Variants in CCSER1 observed in about 807,000 individuals in gnomAD.
CCSER1 encodes coiled-coil serine rich protein 1.
A neutral mutation model predicts 82.0 loss-of-function variants in CCSER1; 41 were observed. The ratio of observed to expected loss-of-function variants is 0.50; its 90% CI spans 0.39 to 0.65. CCSER1 has a LOEUF of 0.65. Among genes scored for constraint, CCSER1 ranks in the 30% least tolerant of loss-of-function variants. CCSER1 has a pLI of 0.00. For missense variants in CCSER1, 1,119 were observed against 1,064.2 expected, an observed-to-expected ratio of 1.05 and a Z score of -0.72; for synonymous variants, 414 against 383.9, an observed-to-expected ratio of 1.08 and a Z score of -0.92.
At chr4:90,190,052 G>A (rs919876513) in intron 1 of CCSER1, among the ~76,000 whole-genome samples, 1 of 151,962 alleles carries the variant, frequency 6.6e-6, no homozygotes, top group Non-Finnish European at 1.5e-5. Context: ...TCTGATAGCG[G>A]CATGAGACTG....
At chr4:90,468,382 C>A in intron 5 of CCSER1, 28 bp downstream of exon 5, 1 of 1,581,886 alleles carries the variant, frequency 6.3e-7, no homozygotes. Context: ...TTTTTCAAGG[C>A]CTTGTAAAAT....
chr4:91,587,705 T>C (rs1764063867), intron 10 of CCSER1, among the ~76,000 whole-genome samples: 1 of 151,706 alleles, frequency 6.6e-6, no homozygotes, highest in Admixed American at 6.6e-5. Flanking sequence ...ATGTTGTTTT[T>C]CTTACATCGA....
At chr4:90,987,693 G>A (rs1052480517) in intron 9 of CCSER1, among the ~76,000 whole-genome samples, 6 of 151,396 alleles carry the variant, frequency 4.0e-5, no homozygotes, top group South Asian at 2.1e-4. Context: ...TTTATCTTTA[G>A]CATTAGACTT....
At chr4:91,037,183 T>C (rs1741504349) in intron 9 of CCSER1, among the ~76,000 whole-genome samples, 1 of 151,984 alleles carries the variant, frequency 6.6e-6, no homozygotes, top group Non-Finnish European at 1.5e-5. Flanking sequence ...TTCATACTGC[T>C]CTTCCCTTCT....
At chr4:90,842,767 G>T (rs1272659603) in intron 8 of CCSER1, among the ~76,000 whole-genome samples, 3 of 152,192 alleles carry the variant, frequency 2.0e-5, no homozygotes, top group Non-Finnish European at 4.4e-5. Context: ...TAATGCAAAG[G>T]GAGTGGGTCA....
chr4:90,724,052 A>T (rs1355304759), intron 7 of CCSER1, 61 bp downstream of exon 7: 3 of 1,024,060 alleles, frequency 2.9e-6, no homozygotes, highest in African/African-American at 3.2e-5. Flanking sequence ...TAAATAGTTT[A>T]AAATAGTTTA....
chr4:91,071,191 T>C (rs1721394506), intron 9 of CCSER1, among the ~76,000 whole-genome samples: 1 of 152,220 alleles, frequency 6.6e-6, no homozygotes, highest in Non-Finnish European at 1.5e-5. Flanking sequence ...TTTGAGCAAC[T>C]GGTATAATTT....
At chr4:90,215,586 A>T (rs952698375) in intron 1 of CCSER1, among the ~76,000 whole-genome samples, 3 of 152,212 alleles carry the variant, frequency 2.0e-5, no homozygotes, top group African/African-American at 7.2e-5. Context: ...TAAAAAAAAT[A>T]AAAGCAAGTT....
At chr4:90,321,464 C>T (rs116179931) in intron 3 of CCSER1, among the ~76,000 whole-genome samples, 1,570 of 152,214 alleles carry the variant, frequency 0.01, 23 homozygotes, top group African/African-American at 0.036. Flanking sequence ...CTTTTGCTTG[C>T]TGATGGACAC....
At chr4:90,693,532 A>G (rs1355626838) in intron 6 of CCSER1, 2 of 151,896 alleles carry the variant, frequency 1.3e-5, no homozygotes, top group Admixed American at 6.6e-5. Flanking sequence ...AAGAAAAGAA[A>G]AAGGTGTGAA....
At chr4:90,854,982 C>CGA (rs1300319820) in intron 8 of CCSER1, among the ~76,000 whole-genome samples, 1 of 138,308 alleles carries the variant, frequency 7.2e-6, no homozygotes, top group Non-Finnish European at 1.6e-5. Context: ...CATAGTGGCA[C>CGA]GAGAGAGTGT....
chr4:91,110,254 A>T (rs1725983398), intron 10 of CCSER1, among the ~76,000 whole-genome samples: 1 of 151,696 alleles, frequency 6.6e-6, no homozygotes, highest in Non-Finnish European at 1.5e-5. Context: ...GTGATGTTGA[A>T]CAAGTTGCCT....
intron 9 of CCSER1, among the ~76,000 whole-genome samples, chr4:90,959,566 A>G (rs1276974225): frequency 1.3e-5 from 2 of 152,164 alleles, no homozygotes; most frequent in African/African-American, 4.8e-5. Flanking sequence ...TAAGTCTTAT[A>G]CCATTTAATC....
chr4:91,535,694 T>C (rs1349377832), intron 10 of CCSER1, among the ~76,000 whole-genome samples: 1 of 150,288 alleles, frequency 6.7e-6, no homozygotes, highest in African/African-American at 2.5e-5. Flanking sequence ...AAAGAAACAG[T>C]GAAAACATGT....
At chr4:90,369,068 T>C (rs1746853866) in intron 3 of CCSER1, among the ~76,000 whole-genome samples, 1 of 151,866 alleles carries the variant, frequency 6.6e-6, no homozygotes, top group African/African-American at 2.4e-5. Context: ...TTAAAATCAG[T>C]AAATAATATC....
rs1003604960 is a variant in CCSER1, at chr4:90,772,563, A to T, written c.2011-43199A>T. On this transcript the variant is annotated intron_variant, in intron 7 of 10. Transcript: ENST00000509176. ...TAAGTTTCTTATAATATATCAGTCA[A>T]TCACCAGACTCCTTTCATACTTGGA... Among the ~76,000 whole-genome samples the T allele has an allele frequency of 2.6e-5, 4 of 152,180 alleles. No homozygotes were observed. The East Asian group carries it at 7.7e-4, about 29-fold the overall frequency.
At chr4:91,288,813 A>G (rs1192428957) in intron 10 of CCSER1, among the ~76,000 whole-genome samples, 1 of 152,068 alleles carries the variant, frequency 6.6e-6, no homozygotes, top group Non-Finnish European at 1.5e-5. Context: ...AAAATACATG[A>G]TGGGCCTAGA....
At chr4:90,398,882 G>A (rs1350630557) in intron 3 of CCSER1, among the ~76,000 whole-genome samples, 1 of 152,028 alleles carries the variant, frequency 6.6e-6, no homozygotes, top group Non-Finnish European at 1.5e-5. Flanking sequence ...TTGTTAAAGA[G>A]GTTTATTTAA....
intron 5 of CCSER1, among the ~76,000 whole-genome samples, chr4:90,607,985 C>G (rs949974023): frequency 1.1e-4 from 16 of 152,134 alleles, no homozygotes; most frequent in African/African-American, 3.6e-4. Flanking sequence ...CCTGTGTGCA[C>G]TCCACAACTA....
Sources: allele counts gnomAD v4.1 joint callset (sites outside exome capture counted in the v4.1 genomes callset), GRCh38; gene constraint gnomAD v4.1.1; transcripts MANE v1.5; gene names NCBI Gene and HGNC (gene_info 2026-07-23, HGNC 2026-07-21).